Variants in LYN observed in about 807,000 individuals in gnomAD.
The protein encoded by LYN is tyrosine-protein kinase Lyn.
LYN carries 12 observed loss-of-function variants against 65.0 expected under a neutral mutation model. The observed-to-expected ratio is 0.18, with a 90% confidence interval of 0.12 to 0.30. The LOEUF (loss-of-function observed/expected upper bound fraction) is 0.30. Ranked by LOEUF, LYN falls within the 10% of genes least tolerant of loss-of-function variation. The probability of loss-of-function intolerance (pLI) is 1.00; values close to 1 mark genes in which losing one functional copy is unlikely to be tolerated. For synonymous variants in LYN, 222 were observed against 221.2 expected, an observed-to-expected ratio of 1.00 and a Z score of -0.03; for missense variants, 380 against 623.2, an observed-to-expected ratio of 0.61 and a Z score of 4.16.
intron 1 of LYN, among the ~76,000 whole-genome samples, chr8:55,925,971 T>C (rs1311332397): frequency 6.6e-6 from 1 of 152,278 alleles, no homozygotes; most frequent in African/African-American, 2.4e-5. Context: ...TTTTATTATG[T>C]AATCATAATG....
chr8:55,956,526 G>A (rs10089762), intron 8 of LYN, among the ~76,000 whole-genome samples: 49,611 of 151,912 alleles, frequency 0.33, 8,498 homozygotes, highest in African/African-American at 0.44. Flanking sequence ...TAGTTTCTCC[G>A]TGGCAACTTT....
At chr8:55,910,162 T>G (rs1805558488) in intron 1 of LYN, among the ~76,000 whole-genome samples, 2 of 152,180 alleles carry the variant, frequency 1.3e-5, no homozygotes, top group Admixed American at 1.3e-4. Context: ...TAAGTCTCAT[T>G]TGTCTACTTT....
intron 8 of LYN, among the ~76,000 whole-genome samples, chr8:55,965,101 ATTAATATTTCTGC>A (rs1453174526): frequency 6.6e-6 from 1 of 152,136 alleles, no homozygotes; most frequent in Non-Finnish European, 1.5e-5. Context: ...GAGTATGATT[ATTAATATTTCTGC>A]TTTGCCAAAT....
intron 4 of LYN, among the ~76,000 whole-genome samples, chr8:55,948,916 T>G (rs1806859971): frequency 6.6e-6 from 1 of 152,204 alleles, no homozygotes; most frequent in African/African-American, 2.4e-5. Flanking sequence ...AGCTTAGTAT[T>G]AGTTCTAGTT....
chr8:55,911,086 T>TAG (rs1805591227), intron 1 of LYN, among the ~76,000 whole-genome samples: 2 of 17,286 alleles, frequency 1.2e-4, no homozygotes, highest in African/African-American at 8.1e-4. Context: ...TACATACATA[T>TAG]ATATATATAT....
chr8:55,908,987 A>ATG (rs755720048), intron 1 of LYN, among the ~76,000 whole-genome samples: 23,098 of 70,322 alleles, frequency 0.33, 4,679 homozygotes, highest in East Asian at 0.59. Flanking sequence ...TCCATTGTGT[A>ATG]TGTATATATA....
At position 55,944,432 on chromosome 8, in the gene LYN, TAGATTTTGTA is replaced by T. The variant is rs1332066459; in HGVS notation, c.133-2015_133-2006del. On this transcript the variant is annotated intron_variant, in intron 2 of 12. Transcript: ENST00000519728. ...CTGATTTTTCTCATACCATATGCTATAGATTTTGTAGGTTTTAAAACACAAGTTTTTTCGT... is the reference window on the plus strand; with the variant it reads ...CTGATTTTTCTCATACCATATGCTATGGTTTTAAAACACAAGTTTTTTCGT... Among the ~76,000 whole-genome samples the T allele has an allele frequency of 1.1e-4, 16 of 152,306 alleles. No individual in the cohort carries two copies. The East Asian group carries it at 3.1e-3, about 29-fold the overall frequency.
At chr8:55,908,437 G>T (rs1330040807) in intron 1 of LYN, among the ~76,000 whole-genome samples, 3 of 151,874 alleles carry the variant, frequency 2.0e-5, no homozygotes, top group African/African-American at 7.3e-5. Flanking sequence ...TAGAGACAGG[G>T]TTTCACCATG....
chr8:55,955,742 A>G (rs769016300), intron 8 of LYN, among the ~76,000 whole-genome samples: 1 of 151,110 alleles, frequency 6.6e-6, no homozygotes. Flanking sequence ...GAATTTAACC[A>G]CTCTAGGTAC....
chr8:55,937,317 A>G (rs1806463061), intron 1 of LYN, among the ~76,000 whole-genome samples: 1 of 152,352 alleles, frequency 6.6e-6, no homozygotes, highest in South Asian at 2.1e-4. Context: ...TGCAAAAGTA[A>G]TTGGCAAAAA....
At chr8:55,959,241 G>C (rs1807206976) in intron 8 of LYN, among the ~76,000 whole-genome samples, 1 of 152,184 alleles carries the variant, frequency 6.6e-6, no homozygotes, top group African/African-American at 2.4e-5. Context: ...CTAATAATTA[G>C]TGACCAAGCA....
chr8:55,896,335 A>G (rs1471420754), intron 1 of LYN, among the ~76,000 whole-genome samples: 2 of 152,206 alleles, frequency 1.3e-5, no homozygotes, highest in Non-Finnish European at 2.9e-5. Context: ...AAGTTTATAA[A>G]TAAAGAAACA....
chr8:55,982,764 T>G (rs967694683), intron 10 of LYN, among the ~76,000 whole-genome samples: 1 of 152,022 alleles, frequency 6.6e-6, no homozygotes, highest in Non-Finnish European at 1.5e-5. Flanking sequence ...CTCTGTCCTC[T>G]CCCCTCGAGC....
At chr8:55,987,454 A>G (rs1416051819) in intron 10 of LYN, among the ~76,000 whole-genome samples, 1 of 152,078 alleles carries the variant, frequency 6.6e-6, no homozygotes. Flanking sequence ...ATTTTGAGAC[A>G]GAGCCTCACT....
At chr8:55,988,982 G>A (rs995518040) in intron 10 of LYN, among the ~76,000 whole-genome samples, 3 of 152,214 alleles carry the variant, frequency 2.0e-5, no homozygotes, top group Non-Finnish European at 4.4e-5. Flanking sequence ...GAACAGAAGA[G>A]CACTAAAGCA....
chr8:55,933,867 C>T (rs1313459277), intron 1 of LYN, among the ~76,000 whole-genome samples: 1 of 146,914 alleles, frequency 6.8e-6, no homozygotes, highest in East Asian at 1.9e-4. Flanking sequence ...TGCCCCTTCA[C>T]ATTGTGGATA....
rs1225202143 is a variant in LYN, at chr8:55,950,662, T to C, written c.384-19T>C. On this transcript the variant is annotated intron_variant, in intron 5 of 12. Transcript: ENST00000519728. ...GCCGTGGAACATAATATGCAGGAAA[T>C]GTTGAAATGTCTTCACAGGTGGTTT... is the stretch of plus-strand genomic sequence containing the variant. The C allele has an allele frequency of 1.9e-6, 3 of 1,596,252 alleles. No individual in the cohort carries two copies. Among genetic ancestry groups the C allele is most frequent in the African/African-American group, 2.7e-5 (2 of 74,566 alleles).
At chr8:55,987,365 G>A (rs1370892232) in intron 10 of LYN, among the ~76,000 whole-genome samples, 1 of 150,134 alleles carries the variant, frequency 6.7e-6, no homozygotes. Flanking sequence ...CCAAGATCAG[G>A]CACTACACTC....
rs1000695747 is a variant in LYN at position 55,979,144 on chromosome 8, C to T, written c.1050+9351C>T. Among the ~76,000 whole-genome samples the T allele has an allele frequency of 5.5e-5, 8 of 146,308 alleles. No individual in the cohort carries two copies. The East Asian group carries it at 1.2e-3, about 22-fold the overall frequency. On this transcript the variant is annotated intron_variant, in intron 10 of 12. Transcript: ENST00000519728. ...CACTGCAACCTCCGCCTCCCAGGCT[C>T]AAGCAATTCTGCCTCAGCCTCCCGA... is the stretch of plus-strand genomic sequence containing the variant.
Sources: allele counts gnomAD v4.1 joint callset (sites outside exome capture counted in the v4.1 genomes callset), GRCh38; gene constraint gnomAD v4.1.1; transcripts MANE v1.5; gene names NCBI Gene and HGNC (gene_info 2026-07-23, HGNC 2026-07-21).